Variants in CCDC12 observed in about 807,000 individuals in gnomAD.
CCDC12 encodes coiled-coil domain containing 12.
CCDC12 carries 28 observed loss-of-function variants against 25.7 expected under a neutral mutation model. The observed-to-expected ratio is 1.09, with a 90% CI of 0.81 to 1.50. CCDC12 has a LOEUF of 1.50. Among genes scored for constraint, CCDC12 ranks in the 40% most tolerant of loss-of-function variants. The pLI is 0.00. For synonymous variants in CCDC12, 75 were observed against 87.7 expected, an observed-to-expected ratio of 0.86 and a Z score of 0.81; for missense variants, 198 against 210.0, an observed-to-expected ratio of 0.94 and a Z score of 0.35.
intron 2 of CCDC12, among the ~76,000 whole-genome samples, chr3:46,932,110 GTCTT>G (rs1192471220): frequency 3.3e-5 from 5 of 152,166 alleles, no homozygotes; most frequent in Non-Finnish European, 7.3e-5. Context: ...GGCTGATCTG[GTCTT>G]TCTTTCAAGG....
At chr3:46,959,957 A>G (rs1575559236) in intron 1 of CCDC12, among the ~76,000 whole-genome samples, 1 of 152,172 alleles carries the variant, frequency 6.6e-6, no homozygotes, top group Non-Finnish European at 1.5e-5. Context: ...GACACTACTC[A>G]TAAGCCAACC....
At chr3:46,929,390 C>G (rs946399988) in intron 2 of CCDC12, among the ~76,000 whole-genome samples, 8 of 152,276 alleles carry the variant, frequency 5.3e-5, no homozygotes, top group South Asian at 2.1e-4. Context: ...GGCTGCTATC[C>G]TAGGAGCTCC....
intron 1 of CCDC12, among the ~76,000 whole-genome samples, chr3:46,954,949 C>T (rs893403702): frequency 3.9e-5 from 6 of 152,136 alleles, no homozygotes; most frequent in Admixed American, 6.5e-5. Flanking sequence ...CCCAACCAAC[C>T]GACAGCCAAC....
chr3:46,959,719 AG>A (rs1392342066), intron 1 of CCDC12, among the ~76,000 whole-genome samples: 1 of 152,160 alleles, frequency 6.6e-6, no homozygotes, highest in Non-Finnish European at 1.5e-5. Context: ...GGAGGTGGCA[AG>A]GAAGAAGGGC....
At chr3:46,966,145 GA>G (rs1283823133) in intron 1 of CCDC12, 5 of 152,390 alleles carry the variant, frequency 3.3e-5, no homozygotes, top group Non-Finnish European at 5.9e-5. Context: ...TGCAGGGACA[GA>G]AAGGACAGGG....
At chr3:46,952,644 A>T (rs1278888713) in intron 1 of CCDC12, among the ~76,000 whole-genome samples, 2 of 152,208 alleles carry the variant, frequency 1.3e-5, no homozygotes, top group Non-Finnish European at 2.9e-5. Context: ...GCAGTGCCGA[A>T]CCCAAATGTC....
At chr3:46,952,974 CCCTA>C (rs1286737922) in intron 1 of CCDC12, among the ~76,000 whole-genome samples, 1 of 152,172 alleles carries the variant, frequency 6.6e-6, no homozygotes, top group Non-Finnish European at 1.5e-5. Flanking sequence ...CCACTCCTGT[CCCTA>C]CCTTTCACAT....
chr3:46,946,718 C>T (rs924864969), intron 1 of CCDC12, among the ~76,000 whole-genome samples: 1 of 152,226 alleles, frequency 6.6e-6, no homozygotes, highest in Admixed American at 6.5e-5. Flanking sequence ...TCCTCCACTC[C>T]CAGCCTGGAC....
At chr3:46,929,954 C>T (rs2033138405) in intron 2 of CCDC12, among the ~76,000 whole-genome samples, 1 of 140,098 alleles carries the variant, frequency 7.1e-6, no homozygotes, top group Non-Finnish European at 1.5e-5. Context: ...TCACTTGAAC[C>T]TGGGAGGCAG....
At position 46,968,827 on chromosome 3, in the gene CCDC12, A is replaced by G. The variant is rs538959677; in HGVS notation, c.96+7810T>C. Among the ~76,000 whole-genome samples the G allele has an allele frequency of 1.4e-4, 22 of 152,232 alleles. No homozygotes were observed. The East Asian group carries it at 3.9e-3, about 27-fold the overall frequency. On this transcript the variant is annotated intron_variant, in intron 1 of 6. Transcript: ENST00000683445. ...AAGGGACAATCTAGGGTCAGCAACA[A>G]CTCAAAGCACGACTGTGGGATGTTC...
chr3:46,961,938 C>T (rs1023435116), intron 1 of CCDC12, among the ~76,000 whole-genome samples: 2 of 152,156 alleles, frequency 1.3e-5, no homozygotes, highest in East Asian at 1.9e-4. Flanking sequence ...GAATCTTGAT[C>T]CCTACGCACA....
At chr3:46,923,495 G>T in intron 4 of CCDC12, 112 bp downstream of exon 4, 2 of 1,456,982 alleles carry the variant, frequency 1.4e-6, no homozygotes, top group Non-Finnish European at 9.5e-7. Flanking sequence ...GGGCTGGTGG[G>T]AAGGGAATAA....
chr3:46,974,364 G>A (rs889085920), intron 1 of CCDC12, among the ~76,000 whole-genome samples: 17 of 152,168 alleles, frequency 1.1e-4, no homozygotes, highest in Admixed American at 8.5e-4. Context: ...CCCACTGAGA[G>A]GATCCCTCTT....
At chr3:46,948,762 G>C (rs2034002558) in intron 1 of CCDC12, among the ~76,000 whole-genome samples, 1 of 152,262 alleles carries the variant, frequency 6.6e-6, no homozygotes, top group Non-Finnish European at 1.5e-5. Context: ...CTCCTCGCCA[G>C]GCCCGTCACA....
chr3:46,923,461 G>A (rs1419660398), intron 4 of CCDC12, 98 bp from the exon 5 acceptor site: 3 of 1,511,500 alleles, frequency 2.0e-6, no homozygotes, highest in East Asian at 4.7e-5. Flanking sequence ...AAGAGGAGGA[G>A]GAAGGAGAGG....
intron 1 of CCDC12, among the ~76,000 whole-genome samples, chr3:46,951,779 C>CAA (rs1198903085): frequency 7.3e-5 from 1 of 13,650 alleles, no homozygotes; most frequent in African/African-American, 3.1e-4. Flanking sequence ...GACTCCGTCT[C>CAA]AAAAAAAAAA....
intron 1 of CCDC12, chr3:46,976,399 G>C (rs1289331566): frequency 1.1e-5 from 15 of 1,406,314 alleles, no homozygotes; most frequent in Admixed American, 3.0e-5. Context: ...GCGGGTCGCT[G>C]ACCACTGCCT....
intron 1 of CCDC12, 95 bp from the exon 2 acceptor site, chr3:46,941,160 G>T (rs889628158): frequency 2.3e-5 from 27 of 1,191,912 alleles, no homozygotes; most frequent in South Asian, 1.3e-4. Flanking sequence ...ATCTCAGAAG[G>T]GGGGCACCTG....
intron 1 of CCDC12, among the ~76,000 whole-genome samples, chr3:46,969,681 C>T (rs368699705): frequency 7.2e-5 from 11 of 152,302 alleles, no homozygotes; most frequent in African/African-American, 2.4e-4. Context: ...AAGCCCTCTG[C>T]CCAGCTTTGG....
Sources: gnomAD v4.1 joint callset for allele counts (sites outside exome capture counted in the v4.1 genomes callset) on GRCh38, gnomAD v4.1.1 for gene constraint, MANE v1.5 for transcripts, NCBI Gene and HGNC (gene_info 2026-07-23, HGNC 2026-07-21) for gene names.